Variants in MYH11 observed in about 807,000 individuals in gnomAD.
MYH11 encodes the protein myosin heavy chain 11.
MYH11 carries 80 observed loss-of-function variants against 246.6 expected under a neutral mutation model. The ratio of observed to expected loss-of-function variants is 0.32; its 90% confidence interval spans 0.27 to 0.39. The LOEUF is 0.39. Among genes scored for constraint, MYH11 ranks in the 10% least tolerant of loss-of-function variants. The pLI, the probability that MYH11 is intolerant of heterozygous loss-of-function variation, is 1.00. For synonymous variants in MYH11, 1,071 were observed against 1,015.5 expected (o/e 1.05, Z -1.04); for missense variants, 2,158 against 2,546.8 (o/e 0.85, Z 3.29).
intron 32 of MYH11, 71 bp downstream of exon 32, chr16:15,721,351 A>G (rs984783688): frequency 9.2e-6 from 14 of 1,522,116 alleles, no homozygotes; most frequent in East Asian, 4.5e-5. Flanking sequence ...CTAGCCTCGC[A>G]TGGACTGGTG....
At chr16:15,712,167 G>A (rs1191124260) in intron 40 of MYH11, among the ~76,000 whole-genome samples, 1 of 152,220 alleles carries the variant, frequency 6.6e-6, no homozygotes, top group Non-Finnish European at 1.5e-5. Flanking sequence ...AAGAGTTTCA[G>A]TCAGGACTTG....
intron 3 of MYH11, among the ~76,000 whole-genome samples, chr16:15,822,916 G>C (rs1371250344): frequency 6.6e-6 from 1 of 152,218 alleles, no homozygotes; most frequent in Non-Finnish European, 1.5e-5. Flanking sequence ...TGAGGGACAG[G>C]TAGGTGTCAA....
intron 1 of MYH11, among the ~76,000 whole-genome samples, chr16:15,856,125 C>A (rs1346934709): frequency 6.6e-6 from 1 of 151,970 alleles, no homozygotes; most frequent in Non-Finnish European, 1.5e-5. Context: ...CTAGTGTAAT[C>A]TTACCTAACG....
intron 4 of MYH11, among the ~76,000 whole-genome samples, chr16:15,795,521 G>C (rs1193769391): frequency 1.3e-5 from 2 of 152,210 alleles, no homozygotes; most frequent in Non-Finnish European, 2.9e-5. Context: ...TGAGGCAGGA[G>C]AATCACTTGA....
chr16:15,820,475 G>GAAA (rs199534515), intron 3 of MYH11, among the ~76,000 whole-genome samples: 1 of 104,392 alleles, frequency 9.6e-6, no homozygotes, highest in Non-Finnish European at 2.0e-5. Context: ...ACTCCATCCG[G>GAAA]AAAAAAAAAA....
chr16:15,721,425 C>G lies in MYH11; in HGVS notation c.4575G>C (p.Lys1525Asn). ...DLVSSKDDVGKNVHELEKSKR... is the reference protein window; with the variant it reads ...DLVSSKDDVGNNVHELEKSKR... Reference sequence around the variant, plus strand: ...AAAACCACCCAGAGCCACTTACGTTCTTGCCCACGTCATCCTTGGAGCTGA... The same window carrying G: ...AAAACCACCCAGAGCCACTTACGTTGTTGCCCACGTCATCCTTGGAGCTGA... The change falls in exon 32 of 41, where the codon AAG (lysine) becomes AAC (asparagine). Residue 1525 changes from lysine (K) to asparagine (N), a missense_variant. This residue lies in a region of MYH11 where 1,013 missense variants were observed against 993.5 expected (regional missense o/e 1.02). Transcript: ENST00000300036. 1 of 1,614,112 alleles carries G rather than the reference C, an allele frequency of 6.2e-7. No homozygotes were observed.
intron 4 of MYH11, 133 bp from the exon 5 acceptor site, chr16:15,786,865 G>T: frequency 2.3e-6 from 2 of 881,040 alleles, no homozygotes; most frequent in Non-Finnish European, 3.7e-6. Flanking sequence ...CAGAGGGGAA[G>T]TAACTTGCCC....
At chr16:15,718,180 C>G in intron 37 of MYH11, 135 bp downstream of exon 37, 9 of 1,422,518 alleles carry the variant, frequency 6.3e-6, no homozygotes, top group Non-Finnish European at 8.7e-6. Context: ...TCTCTACTCT[C>G]AGGCCCCACC....
At chr16:15,732,530 G>A (rs2040995732) in intron 27 of MYH11, 34 bp downstream of exon 27, 1 of 1,613,994 alleles carries the variant, frequency 6.2e-7, no homozygotes, top group Non-Finnish European at 8.5e-7. Flanking sequence ...ACTCTTATGT[G>A]TCATCACCAA....
At chr16:15,756,826 T>C (rs2041734094) in intron 13 of MYH11, among the ~76,000 whole-genome samples, 1 of 148,838 alleles carries the variant, frequency 6.7e-6, no homozygotes, top group South Asian at 2.1e-4. Context: ...GAGACAGAGT[T>C]TTGCCTTGTC....
chr16:15,788,753 G>A (rs1023637482), intron 4 of MYH11, among the ~76,000 whole-genome samples: 1 of 151,526 alleles, frequency 6.6e-6, no homozygotes, highest in Non-Finnish European at 1.5e-5. Flanking sequence ...GGACCATGAA[G>A]GCATTACCCC....
chr16:15,725,588 C>T (rs531370712), intron 28 of MYH11: 1 of 406,630 alleles, frequency 2.5e-6, no homozygotes, highest in Non-Finnish European at 4.3e-6. Flanking sequence ...CCCTCCATCT[C>T]TTCCATTGAC....
At position 15,759,606 on chromosome 16, in the gene MYH11, G is replaced by C; in HGVS notation, c.1371C>G (p.Ile457Met). The C allele has an allele frequency of 6.2e-7, 1 of 1,614,148 alleles. No individual in the cohort carries two copies. Among genetic ancestry groups the C allele is most frequent in the Non-Finnish European group, 8.5e-7 (1 of 1,180,028 alleles). The change falls in exon 12 of 41, where the codon ATC becomes ATG. Residue 457 changes from isoleucine (I) to methionine (M), a missense_variant. Transcript: ENST00000300036. ...THRQGASFLG[I>M]LDIAGFEIFE... ...AGATCTCAAATCCAGCTATATCCAG[G>C]ATCCCCAGGAAGGAAGCCCCTTGCC...
chr16:15,728,330 T>G (rs964167045), intron 27 of MYH11, among the ~76,000 whole-genome samples: 7 of 152,048 alleles, frequency 4.6e-5, no homozygotes, highest in African/African-American at 1.7e-4. Context: ...ATGGATAAAT[T>G]TTACTACATA....
At chr16:15,721,326 GAA>G (rs35629279) in intron 32 of MYH11, 94 bp downstream of exon 32, 2 of 1,392,248 alleles carry the variant, frequency 1.4e-6, no homozygotes, top group East Asian at 4.6e-5. Context: ...AGTTCGCTAT[GAA>G]AAAGGCCAGG....
At position 15,794,500 on chromosome 16, in the gene MYH11, CCTT is replaced by C. The variant is rs555433338; in HGVS notation, c.530+4157_530+4159del. Among the ~76,000 whole-genome samples the C allele has an allele frequency of 3.3e-3, 499 of 152,372 alleles. 2 individuals carry two copies. The highest frequency in any genetic ancestry group is 0.012 in the African/African-American group (481 of 41,584). ...TCCTTCCTAACAATGGCTAAGGCCT[CCTT>C]CTCCAGCACTGGCTGTGTGTGGGCA... is the stretch of plus-strand genomic sequence containing the variant. On this transcript the variant is annotated intron_variant, in intron 4 of 40. Coordinates refer to ENST00000300036, the MANE Select transcript of MYH11 (RefSeq NM_002474.3).
Position 15,715,005 on chromosome 16 carries a change from T to C in MYH11, c.5690A>G (p.Asn1897Ser), listed in dbSNP as rs776619789. 1.2e-5 allele frequency: 19 copies of C among 1,613,900 alleles called. No individual in the cohort carries two copies. The East Asian group carries it at 1.3e-4, about 11-fold the overall frequency. ...CCGCTGCAGCTTCCTGCGGTTGGCG[T>C]TGATGCGCTGGGACTCCTCCTCTGC... The part of the protein sequence containing the change: ...EEAEEESQRI[N>S]ANRRKLQREL... The change falls in exon 40 of 41, where the codon AAC (asparagine) becomes AGC (serine). Residue 1897 changes from asparagine to serine, a missense_variant. By Grantham distance (46) the Asn-to-Ser change is conservative. Coordinates refer to ENST00000300036, the MANE Select transcript of MYH11 (RefSeq NM_002474.3).
At chr16:15,742,056 G>A in intron 20 of MYH11, 165 bp from the exon 21 acceptor site, 1 of 1,113,580 alleles carries the variant, frequency 9.0e-7, no homozygotes, top group Admixed American at 2.0e-5. Flanking sequence ...GGGGTGGGGG[G>A]TGCCTCTGGC....
At chr16:15,738,711 A>T (rs779246099) in intron 23 of MYH11, 23 bp from the exon 24 acceptor site, 2 of 1,612,574 alleles carry the variant, frequency 1.2e-6, no homozygotes, top group Non-Finnish European at 1.7e-6. Flanking sequence ...AGAGAAAGAG[A>T]TAGCTTTAGG....
Sources: allele counts gnomAD v4.1 joint callset (sites outside exome capture counted in the v4.1 genomes callset), GRCh38; gene constraint gnomAD v4.1.1; regional missense constraint gnomAD v4.1.1; transcripts MANE v1.5; gene names NCBI Gene and HGNC (gene_info 2026-07-23, HGNC 2026-07-21).